Variants in MKLN1 observed in about 807,000 individuals in gnomAD.
MKLN1 encodes muskelin 1.
In MKLN1, 18 loss-of-function variants were observed where a neutral mutation model predicts 99.0. The observed-to-expected ratio is 0.18, with a 90% CI of 0.13 to 0.27. MKLN1 has a LOEUF of 0.27. Among genes scored for constraint, MKLN1 ranks in the 10% least tolerant of loss-of-function variants. The pLI is 1.00. For missense variants in MKLN1, 621 were observed against 875.9 expected (o/e 0.71, Z 3.67); for synonymous variants, 288 against 293.2 (o/e 0.98, Z 0.18).
intron 12 of MKLN1, among the ~76,000 whole-genome samples, chr7:131,460,440 T>C (rs1292320685): frequency 2.6e-5 from 4 of 152,246 alleles, no homozygotes; most frequent in African/African-American, 9.6e-5. Context: ...GCACAGCACA[T>C]ACTGTCAACC....
chr7:131,227,886 T>A (rs566989912), intron 3 of MKLN1, among the ~76,000 whole-genome samples: 37 of 152,022 alleles, frequency 2.4e-4, no homozygotes, highest in African/African-American at 8.7e-4. Flanking sequence ...TTTCATTGTT[T>A]ATTATGCATC....
chr7:131,236,223 A>T (rs547995303), intron 3 of MKLN1, among the ~76,000 whole-genome samples: 1 of 152,336 alleles, frequency 6.6e-6, no homozygotes, highest in South Asian at 2.1e-4. Context: ...AGCAAATAGC[A>T]TTTATTTGCC....
intron 2 of MKLN1, among the ~76,000 whole-genome samples, chr7:131,178,868 C>G (rs1796339068): frequency 6.6e-6 from 1 of 152,172 alleles, no homozygotes; most frequent in East Asian, 1.9e-4. Context: ...CCTTTTGACA[C>G]AGAGATTCAA....
intron 3 of MKLN1, among the ~76,000 whole-genome samples, chr7:131,234,246 C>T (rs910956300): frequency 2.0e-5 from 3 of 152,174 alleles, no homozygotes; most frequent in Admixed American, 2.0e-4. Context: ...TCCCAAAGTG[C>T]TGGGATTACA....
Position 131,117,033 on chromosome 7 carries a change from G to A in MKLN1, c.-419+6826G>A, listed in dbSNP as rs1010982148. Among the ~76,000 whole-genome samples the A allele has an allele frequency of 4.6e-5, 7 of 152,024 alleles. No homozygotes were observed. The South Asian group carries it at 1.2e-3, about 27-fold the overall frequency. ...TTATCCAATAGATATACTCACACAG[G>A]TATTGGAGGATGACTTTTCTAGGAC... is the stretch of plus-strand genomic sequence containing the variant. On this transcript the variant is annotated intron_variant, in intron 1 of 7. Coordinates refer to the MKLN1 transcript ENST00000416992.
chr7:131,313,401 A>C (rs1314465718), intron 3 of MKLN1, among the ~76,000 whole-genome samples: 1 of 152,206 alleles, frequency 6.6e-6, no homozygotes, highest in Admixed American at 6.5e-5. Context: ...GAACTGAGGT[A>C]AGAAAAACAA....
intron 1 of MKLN1, among the ~76,000 whole-genome samples, chr7:131,361,644 C>T (rs1800032154): frequency 6.8e-6 from 1 of 146,864 alleles, no homozygotes; most frequent in East Asian, 2.0e-4. Flanking sequence ...ACACTTAAAT[C>T]TCTCTGAGGA....
intron 4 of MKLN1, among the ~76,000 whole-genome samples, chr7:131,391,708 C>T (rs1479635640): frequency 1.3e-5 from 2 of 152,074 alleles, no homozygotes; most frequent in East Asian, 3.9e-4. Context: ...AATGCTTTTT[C>T]TGTCTAATGG....
chr7:131,281,093 C>T (rs551244791), intron 3 of MKLN1, among the ~76,000 whole-genome samples: 93 of 151,966 alleles, frequency 6.1e-4, no homozygotes, highest in African/African-American at 9.9e-4. Flanking sequence ...TCTGCTTTGG[C>T]GACATCCAAG....
intron 3 of MKLN1, chr7:131,243,029 A>T: frequency 1.8e-6 from 1 of 565,680 alleles, no homozygotes; most frequent in Non-Finnish European, 3.3e-6. Flanking sequence ...ATTAAAAATT[A>T]AACAGAAAAA....
At chr7:131,372,577 A>G (rs1793497571) in intron 1 of MKLN1, among the ~76,000 whole-genome samples, 1 of 152,038 alleles carries the variant, frequency 6.6e-6, no homozygotes, top group African/African-American at 2.4e-5. Context: ...TTCCTATGAC[A>G]TTAAAGTCAA....
intron 3 of MKLN1, among the ~76,000 whole-genome samples, chr7:131,235,020 A>G (rs1463154474): frequency 2.0e-5 from 3 of 152,176 alleles, no homozygotes; most frequent in Non-Finnish European, 4.4e-5. Context: ...TCAAGAATCT[A>G]AAGAATCCAT....
chr7:131,255,582 C>A (rs1389806701), intron 3 of MKLN1, among the ~76,000 whole-genome samples: 3 of 152,056 alleles, frequency 2.0e-5, no homozygotes, highest in Non-Finnish European at 4.4e-5. Flanking sequence ...CTATCTATCT[C>A]TCTATTTATT....
chr7:131,364,822 C>G (rs942698351), intron 1 of MKLN1, among the ~76,000 whole-genome samples: 1 of 152,178 alleles, frequency 6.6e-6, no homozygotes, highest in Non-Finnish European at 1.5e-5. Context: ...TTCCATGGTG[C>G]ATATGTACCA....
intron 1 of MKLN1, among the ~76,000 whole-genome samples, chr7:131,115,692 C>T (rs12669991): frequency 0.47 from 70,788 of 151,932 alleles, 16,816 homozygotes; most frequent in Admixed American, 0.51. Context: ...TCTCCACCAC[C>T]GCAGTGACAC....
At chr7:131,448,062 A>G (rs907322557) in intron 12 of MKLN1, among the ~76,000 whole-genome samples, 1 of 152,148 alleles carries the variant, frequency 6.6e-6, no homozygotes, top group East Asian at 1.9e-4. Context: ...CCCCATCTAT[A>G]CTAAAAATAC....
intron 12 of MKLN1, among the ~76,000 whole-genome samples, chr7:131,451,007 A>G (rs1796161677): frequency 6.6e-6 from 1 of 152,230 alleles, no homozygotes; most frequent in Admixed American, 6.5e-5. Flanking sequence ...TAGACTGTTC[A>G]GAAAACCTCA....
At chr7:131,143,038 C>T (rs1795760277) in intron 2 of MKLN1, 2 of 836,980 alleles carry the variant, frequency 2.4e-6, no homozygotes, top group Admixed American at 5.2e-5. Flanking sequence ...CTGGAGTCTT[C>T]ATCAGAAGAT....
chr7:131,489,525 G>A lies in MKLN1; in HGVS notation c.*1797G>A, dbSNP rs184729091. On this transcript the variant is annotated 3_prime_UTR_variant, in exon 18 of 18. Transcript: ENST00000352689. ...ATAAAATGTTAATATCACTAATATA[G>A]CCTGTTAAATCTTTTGTGGAGACAG... The A allele has an allele frequency of 3.9e-5, 6 of 152,234 alleles. No individual in the cohort carries two copies. The East Asian group carries it at 1.2e-3, about 29-fold the overall frequency. 9.4% of individuals were successfully genotyped at this position (152,234 alleles called of 1,614,324 possible).
Sources: gnomAD v4.1 joint callset for allele counts (sites outside exome capture counted in the v4.1 genomes callset) on GRCh38, gnomAD v4.1.1 for gene constraint, MANE v1.5 for transcripts, NCBI Gene and HGNC (gene_info 2026-07-23, HGNC 2026-07-21) for gene names.